Variants in TEKT5 observed in about 807,000 individuals in gnomAD.
TEKT5 encodes the protein tektin-5.
A neutral mutation model predicts 48.7 loss-of-function variants in TEKT5; 52 were observed. That is an observed-to-expected ratio of 1.07 (90% CI 0.86 to 1.35). TEKT5 has a LOEUF of 1.35. TEKT5 is among the 40% of genes most tolerant of loss of function. TEKT5 has a pLI of 0.00. For synonymous variants in TEKT5, 318 were observed against 267.6 expected, an observed-to-expected ratio of 1.19 and a Z score of -1.84; for missense variants, 831 against 641.6, an observed-to-expected ratio of 1.30 and a Z score of -3.19.
At chr16:10,693,885 G>A (rs1444085758) in intron 1 of TEKT5, among the ~76,000 whole-genome samples, 3 of 152,264 alleles carry the variant, frequency 2.0e-5, no homozygotes, top group South Asian at 2.1e-4. Context: ...CACGAGAGTC[G>A]CTTGAACCCA....
intron 5 of TEKT5, among the ~76,000 whole-genome samples, chr16:10,655,233 A>C (rs979687283): frequency 1.1e-4 from 17 of 152,110 alleles, no homozygotes; most frequent in African/African-American, 4.1e-4. Context: ...TGTTGCCTTT[A>C]CAAACAGCCT....
At chr16:10,688,141 C>G (rs1448827784) in intron 3 of TEKT5, among the ~76,000 whole-genome samples, 1 of 152,140 alleles carries the variant, frequency 6.6e-6, no homozygotes, top group Non-Finnish European at 1.5e-5. Flanking sequence ...GAAATTAGAA[C>G]AGGGGCACAC....
intron 5 of TEKT5, among the ~76,000 whole-genome samples, chr16:10,657,245 C>T (rs1162487221): frequency 1.3e-5 from 2 of 151,842 alleles, no homozygotes; most frequent in African/African-American, 4.8e-5. Context: ...CCTGCCTCAG[C>T]CTTCTGAGTA....
intron 6 of TEKT5, among the ~76,000 whole-genome samples, chr16:10,629,203 G>A (rs1350188620): frequency 6.6e-6 from 1 of 151,978 alleles, no homozygotes; most frequent in Non-Finnish European, 1.5e-5. Flanking sequence ...CATCGTGAAT[G>A]TACCAGATGT....
chr16:10,692,552 C>T (rs1261115933), intron 1 of TEKT5: 3 of 152,318 alleles, frequency 2.0e-5, no homozygotes, highest in African/African-American at 7.2e-5. Flanking sequence ...TCCACTCAAC[C>T]CCTTCCATGA....
intron 5 of TEKT5, among the ~76,000 whole-genome samples, chr16:10,656,211 G>C (rs1898259253): frequency 6.6e-6 from 1 of 152,070 alleles, no homozygotes; most frequent in African/African-American, 2.4e-5. Context: ...CCCCCTAGAG[G>C]AAAAAATTGC....
rs201048362 is a variant in TEKT5 at position 10,652,869 on chromosome 16, A to C, written c.1087-16951T>G. 1.0e-2 allele frequency among the ~76,000 whole-genome samples: 889 copies of C among 88,914 alleles called. 79 individuals carry two copies. The highest frequency in any genetic ancestry group is 0.043 in the African/African-American group (757 of 17,730). The allele number at this position is 88,914 out of a possible 152,430, so 58.3% of individuals were successfully genotyped here. ...CACACACACACACACACACACACAC[A>C]CCCTCCAGGTCAGGTAGAGCGATCC... On this transcript the variant is annotated intron_variant, in intron 5 of 6. Coordinates refer to ENST00000283025, the MANE Select transcript of TEKT5 (RefSeq NM_144674.2).
intron 5 of TEKT5, among the ~76,000 whole-genome samples, chr16:10,675,510 C>T (rs1352973358): frequency 6.6e-6 from 1 of 152,168 alleles, no homozygotes; most frequent in African/African-American, 2.4e-5. Context: ...AGCACCCCAC[C>T]CCTCAGCAGG....
chr16:10,632,869 GACACACACACACACACACACACAC>G (rs35503579), intron 6 of TEKT5, among the ~76,000 whole-genome samples: 1 of 131,642 alleles, frequency 7.6e-6, no homozygotes, highest in Admixed American at 7.6e-5. Context: ...CACAGATGCA[GACACACACACACACACACACACAC>G]ACACACACAC....
Position 10,677,146 on chromosome 16 carries a change from G to A in TEKT5, c.864-965C>T, listed in dbSNP as rs115205939. Among the ~76,000 whole-genome samples, 1,164 of 152,236 alleles carry A rather than the reference G, an allele frequency of 7.6e-3. 10 individuals are homozygous for A. The highest frequency in any genetic ancestry group is 0.026 in the African/African-American group (1,083 of 41,554). ...TCCGGGACTGCAGTGAGCCATGATC[G>A]CACCACTGCACTCCAGCCTGGGCAA... On this transcript the variant is annotated intron_variant, in intron 4 of 6. Transcript: ENST00000283025.
chr16:10,643,012 C>T (rs566223002), intron 5 of TEKT5, among the ~76,000 whole-genome samples: 1 of 152,258 alleles, frequency 6.6e-6, no homozygotes, highest in African/African-American at 2.4e-5. Context: ...TTTGAGATGA[C>T]GGAAATGCAA....
At chr16:10,628,926 A>T (rs1186234291) in intron 6 of TEKT5, among the ~76,000 whole-genome samples, 1 of 151,794 alleles carries the variant, frequency 6.6e-6, no homozygotes, top group African/African-American at 2.4e-5. Context: ...AAAAAAAGGA[A>T]TGAAATACTA....
intron 5 of TEKT5, among the ~76,000 whole-genome samples, chr16:10,674,405 GGGA>G (rs1233870856): frequency 6.6e-6 from 1 of 152,028 alleles, no homozygotes; most frequent in Non-Finnish European, 1.5e-5. Context: ...AGGCTGAGGT[GGGA>G]GGACTGCTTG....
intron 5 of TEKT5, among the ~76,000 whole-genome samples, chr16:10,673,069 C>T (rs759559167): frequency 3.9e-5 from 6 of 152,134 alleles, no homozygotes; most frequent in Admixed American, 1.3e-4. Flanking sequence ...ATAGAGGATT[C>T]ATCATAACCA....
chr16:10,654,932 C>T (rs1405600321), intron 5 of TEKT5, among the ~76,000 whole-genome samples: 219 of 58,896 alleles, frequency 3.7e-3, no homozygotes, highest in Non-Finnish European at 7.3e-3. Context: ...TCTCCCCCCC[C>T]TCCCCTCCCC....
At chr16:10,674,638 A>T (rs1298653326) in intron 5 of TEKT5, among the ~76,000 whole-genome samples, 7 of 146,306 alleles carry the variant, frequency 4.8e-5, no homozygotes, top group Non-Finnish European at 1.1e-4. Context: ...AAAAAAAAAA[A>T]AAACAGAGAG....
chr16:10,687,094 G>A (rs1898874844), intron 3 of TEKT5, among the ~76,000 whole-genome samples: 1 of 152,148 alleles, frequency 6.6e-6, no homozygotes, highest in Admixed American at 6.5e-5. Context: ...GTGGGGTATT[G>A]GGGAGATGGT....
At position 10,627,660 on chromosome 16, in the gene TEKT5, G is replaced by C; in HGVS notation, c.1381C>G (p.Leu461Val). 1 of 1,614,218 alleles carries C rather than the reference G, an allele frequency of 6.2e-7. No individual in the cohort carries two copies. Among genetic ancestry groups the C allele is most frequent in the Non-Finnish European group, 8.5e-7 (1 of 1,180,036 alleles). Residue 461 changes from leucine to valine, a missense_variant, in exon 7 of 7, where the codon CTC becomes GTC. By Grantham distance (32) the Leu-to-Val change is conservative. Transcript: ENST00000283025. ...ATGCACTTCTCCTTGTCGATGCAGA[G>C]GGTGTTGGCCTTGATGGCGAGCTCG... is the stretch of plus-strand genomic sequence containing the variant. ...EHELAIKANTLCIDKEKCMGM... is the reference protein window; with the variant it reads ...EHELAIKANTVCIDKEKCMGM...
At chr16:10,644,832 C>G (rs1898046507) in intron 5 of TEKT5, among the ~76,000 whole-genome samples, 1 of 152,164 alleles carries the variant, frequency 6.6e-6, no homozygotes, top group African/African-American at 2.4e-5. Flanking sequence ...CTGTAATGGA[C>G]TGCCTGAATG....
Sources: allele counts gnomAD v4.1 joint callset (sites outside exome capture counted in the v4.1 genomes callset), GRCh38; gene constraint gnomAD v4.1.1; transcripts MANE v1.5; gene names NCBI Gene and HGNC (gene_info 2026-07-23, HGNC 2026-07-21).